Variants in ARHGAP25 observed in about 807,000 individuals in gnomAD.
The protein encoded by ARHGAP25 is rho GTPase-activating protein 25.
A neutral mutation model predicts 71.0 loss-of-function variants in ARHGAP25; 34 were observed. That is an observed-to-expected ratio of 0.48 (90% confidence interval 0.36 to 0.64). The LOEUF (loss-of-function observed/expected upper bound fraction) is 0.64. ARHGAP25 is among the 30% of genes least tolerant of loss of function. The pLI is 0.00. For synonymous variants in ARHGAP25, 282 were observed against 296.5 expected, an observed-to-expected ratio of 0.95 and a Z score of 0.50; for missense variants, 706 against 805.1, an observed-to-expected ratio of 0.88 and a Z score of 1.49.
chr2:68,799,709 C>T (rs1188665803), intron 4 of ARHGAP25, among the ~76,000 whole-genome samples: 3 of 152,092 alleles, frequency 2.0e-5, no homozygotes, highest in Non-Finnish European at 4.4e-5. Context: ...GCTGGAGAGT[C>T]CTGTGTGTAA....
chr2:68,789,072 G>A (rs141633154), intron 4 of ARHGAP25, among the ~76,000 whole-genome samples: 38 of 150,098 alleles, frequency 2.5e-4, no homozygotes, highest in African/African-American at 6.4e-4. Flanking sequence ...TTGGTCTGTC[G>A]CCCAGGATGG....
chr2:68,720,536 T>G (rs1674738258), intron 2 of ARHGAP25, among the ~76,000 whole-genome samples: 1 of 152,138 alleles, frequency 6.6e-6, no homozygotes, highest in Admixed American at 6.5e-5. Flanking sequence ...CCTTCCTGAT[T>G]CCCAAAGTCC....
intron 1 of ARHGAP25, among the ~76,000 whole-genome samples, chr2:68,756,639 A>G (rs938896396): frequency 6.6e-6 from 1 of 152,236 alleles, no homozygotes; most frequent in Non-Finnish European, 1.5e-5. Flanking sequence ...ATCCTTGGCA[A>G]CCTACAACAA....
chr2:68,723,067 C>T (rs1033259558), intron 2 of ARHGAP25, among the ~76,000 whole-genome samples: 1 of 152,118 alleles, frequency 6.6e-6, no homozygotes, highest in African/African-American at 2.4e-5. Flanking sequence ...TTCCAGTGCT[C>T]ATTTAGATGC....
At chr2:68,766,421 CTTG>C (rs1247288036) in intron 1 of ARHGAP25, among the ~76,000 whole-genome samples, 1 of 152,166 alleles carries the variant, frequency 6.6e-6, no homozygotes, top group Non-Finnish European at 1.5e-5. Context: ...CCGCAAGCTT[CTTG>C]TTATTACACG....
At position 68,772,492 on chromosome 2, in the gene ARHGAP25, G is replaced by A. The variant is rs185209081; in HGVS notation, c.62-2729G>A. 3.9e-5 allele frequency among the ~76,000 whole-genome samples: 6 copies of A among 152,258 alleles called. No individual in the cohort carries two copies. In the East Asian group the frequency reaches 5.8e-4, roughly 15 times the overall value. On this transcript the variant is annotated intron_variant, in intron 1 of 10. Coordinates refer to ENST00000409202, the MANE Select transcript of ARHGAP25 (RefSeq NM_001007231.3). Reference sequence around the variant, plus strand: ...TAGACTTCACTGAGGCTACTGAAGTGGGGGAGAATGCCTCTGCATCTGCTG... The same window carrying A: ...TAGACTTCACTGAGGCTACTGAAGTAGGGGAGAATGCCTCTGCATCTGCTG...
At chr2:68,801,689 G>A (rs11889350) in intron 4 of ARHGAP25, among the ~76,000 whole-genome samples, 47,055 of 152,052 alleles carry the variant, frequency 0.31, 8,402 homozygotes, top group East Asian at 0.51. Context: ...GAGCCAGATG[G>A]ACTGTCTGCC....
At position 68,767,233 on chromosome 2, in the gene ARHGAP25, C is replaced by T. The variant is rs1245011749; in HGVS notation, c.62-7988C>T. Among the ~76,000 whole-genome samples, 1 of 152,094 alleles carries T rather than the reference C, an allele frequency of 6.6e-6. No individual in the cohort carries two copies. The highest frequency in any genetic ancestry group is 2.4e-5 in the African/African-American group (1 of 41,394). ...TTTCATACTAAAGTTAAAAACGAAA[C>T]TCAAAAGAATGATGGGTGCTTTTCA... On this transcript the variant is annotated intron_variant, in intron 1 of 10. Transcript: ENST00000409202. This position sits in a 1 kb window ranked among gnomAD's most constrained non-coding sequence, Gnocchi z 4.6.
intron 1 of ARHGAP25, among the ~76,000 whole-genome samples, chr2:68,738,857 T>C (rs990601367): frequency 3.3e-5 from 5 of 151,898 alleles, no homozygotes; most frequent in Admixed American, 3.3e-4. Context: ...AACATGGCCT[T>C]CTGTAGACAG....
At chr2:68,718,129 G>A (rs1292808980) in intron 2 of ARHGAP25, among the ~76,000 whole-genome samples, 2 of 149,218 alleles carry the variant, frequency 1.3e-5, no homozygotes, top group Admixed American at 1.4e-4. Flanking sequence ...TGGGAACTTA[G>A]TTAAGGGCAG....
intron 2 of ARHGAP25, among the ~76,000 whole-genome samples, chr2:68,719,992 A>G (rs947662322): frequency 6.6e-6 from 1 of 152,202 alleles, no homozygotes; most frequent in Non-Finnish European, 1.5e-5. Flanking sequence ...TCTAAAGTCC[A>G]TGCTTAAAGA....
rs745680406 is a variant in ARHGAP25 at position 68,787,844 on chromosome 2, A to C, written c.354A>C (p.Ser118=). The change falls in exon 4 of 11, where the codon TCA becomes TCC. Residue 118 remains serine (S), a synonymous_variant. Coordinates refer to ENST00000409202, the MANE Select transcript of ARHGAP25 (RefSeq NM_001007231.3). ...AAGTGCTAATTCTTCCTCCAGCCTC[A>C]TGGGACCAGAATCGCATGGGACAGG... ...GKFVFEIIPA[S]WDQNRMGQDS... 16 of 1,613,856 alleles carry C rather than the reference A, an allele frequency of 9.9e-6. No individual in the cohort carries two copies. Among genetic ancestry groups the C allele is most frequent in the Admixed American group, 5.0e-5 (3 of 60,004 alleles).
chr2:68,720,330 AAAAG>A (rs1674729201), intron 2 of ARHGAP25, among the ~76,000 whole-genome samples: 3 of 148,074 alleles, frequency 2.0e-5, no homozygotes, highest in Admixed American at 6.7e-5. Flanking sequence ...AAAAAAAAAA[AAAAG>A]AAAAGAAAAG....
intron 1 of ARHGAP25, among the ~76,000 whole-genome samples, chr2:68,756,609 T>C (rs1232858113): frequency 6.6e-6 from 1 of 152,210 alleles, no homozygotes; most frequent in Non-Finnish European, 1.5e-5. Context: ...AGAAGACTCT[T>C]AAGTGTGCAG....
At chr2:68,757,267 G>A (rs114302830) in intron 1 of ARHGAP25, among the ~76,000 whole-genome samples, 2,836 of 152,080 alleles carry the variant, frequency 0.019, 46 homozygotes, top group Non-Finnish European at 0.026. Flanking sequence ...AAATAATGAT[G>A]GAAAACTTCC....
At chr2:68,732,485 C>T (rs1482170225), upstream of ARHGAP25, among the ~76,000 whole-genome samples, 1 of 152,148 alleles carries the variant, frequency 6.6e-6, no homozygotes, top group African/African-American at 2.4e-5. Context: ...AGTTGGGATA[C>T]GAAAAAGAGC....
intron 4 of ARHGAP25, among the ~76,000 whole-genome samples, chr2:68,795,787 A>G (rs1057177059): frequency 1.3e-5 from 2 of 152,194 alleles, no homozygotes; most frequent in Admixed American, 6.5e-5. Context: ...CCCATTTGGT[A>G]TAAAGTCTAA....
chr2:68,770,738 A>G (rs1218595832), intron 1 of ARHGAP25, among the ~76,000 whole-genome samples: 1 of 152,204 alleles, frequency 6.6e-6, no homozygotes, highest in African/African-American at 2.4e-5. Flanking sequence ...TCATACAACT[A>G]TATTTTATCA....
chr2:68,720,590 G>A (rs1334706595), intron 2 of ARHGAP25, among the ~76,000 whole-genome samples: 2 of 152,138 alleles, frequency 1.3e-5, no homozygotes, highest in Non-Finnish European at 2.9e-5. Context: ...AAAATTTGTA[G>A]GCTATTTTCT....
Sources: allele counts gnomAD v4.1 joint callset (sites outside exome capture counted in the v4.1 genomes callset), GRCh38; gene constraint gnomAD v4.1.1; non-coding constraint Gnocchi (gnomAD v3.1); transcripts MANE v1.5; gene names NCBI Gene and HGNC (gene_info 2026-07-23, HGNC 2026-07-21).